The following ZFHX3 variants were observed in gnomAD, a reference collection of about 807,000 sequenced individuals.
ZFHX3 encodes zinc finger homeobox protein 3.
Under a neutral mutation model 279.1 loss-of-function variants are expected in ZFHX3, and 42 were observed. The ratio of observed to expected loss-of-function variants is 0.15; its 90% CI spans 0.12 to 0.19. ZFHX3 has a LOEUF of 0.19. Ranked by LOEUF, ZFHX3 falls within the 10% of genes least tolerant of loss-of-function variation. The probability of loss-of-function intolerance (pLI) is 1.00; values close to 1 mark genes in which losing one functional copy is unlikely to be tolerated. For missense variants in ZFHX3, 4,981 were observed against 4,754.0 expected (o/e 1.05, Z -1.40); for synonymous variants, 2,293 against 1,957.8 (o/e 1.17, Z -4.52).
At position 73,792,069 on chromosome 16, in the gene ZFHX3, C is replaced by G. The variant is rs16972570; in HGVS notation, c.-1608+99582G>C. 4.9e-3 allele frequency among the ~76,000 whole-genome samples: 744 copies of G among 152,312 alleles called. 3 individuals are homozygous for G. Among genetic ancestry groups the G allele is most frequent in the African/African-American group, 0.017 (714 of 41,568 alleles). On this transcript the variant is annotated intron_variant, in intron 1 of 17. Transcript: ENST00000641206. ...CCTAATTCTACCATCCAGGTGTGTT[C>G]TGACCTGTGCTGGCCAACTAGCCAT...
At chr16:73,553,938 G>A (rs1416544151) in intron 2 of ZFHX3, among the ~76,000 whole-genome samples, 1 of 152,216 alleles carries the variant, frequency 6.6e-6, no homozygotes, top group Non-Finnish European at 1.5e-5. Flanking sequence ...TAGGGCAGAT[G>A]ATCAGAAAAA....
intron 3 of ZFHX3, among the ~76,000 whole-genome samples, chr16:73,422,104 C>T (rs890649677): frequency 6.6e-6 from 1 of 152,164 alleles, no homozygotes; most frequent in South Asian, 2.1e-4. Context: ...CTACCTATTT[C>T]TACTTTAAAT....
chr16:73,394,802 T>C (rs1482796531), intron 3 of ZFHX3, among the ~76,000 whole-genome samples: 1 of 152,204 alleles, frequency 6.6e-6, no homozygotes, highest in Non-Finnish European at 1.5e-5. Context: ...TGTACTTCTA[T>C]GTGCCAGACA....
rs535544342 is a variant in ZFHX3, at chr16:72,921,352, G to A, written c.3216+29117C>T. Among the ~76,000 whole-genome samples, 10 of 152,270 alleles carry A rather than the reference G, an allele frequency of 6.6e-5. No individual in the cohort carries two copies. The South Asian group carries it at 1.5e-3, about 22-fold the overall frequency. ...TTACTTCCTTCCTAGACCCCATGGC[G>A]AAAAATGCTTGCGGCTTTCCTGTTC... On this transcript the variant is annotated intron_variant, in intron 3 of 9. Transcript: ENST00000268489.
chr16:73,552,826 C>T (rs920095055), intron 2 of ZFHX3, among the ~76,000 whole-genome samples: 1 of 152,166 alleles, frequency 6.6e-6, no homozygotes, highest in African/African-American at 2.4e-5. Context: ...ACTGATACGT[C>T]TGCCTGTAAA....
chr16:72,893,924 C>T (rs1334041365), intron 3 of ZFHX3, among the ~76,000 whole-genome samples: 16 of 152,190 alleles, frequency 1.1e-4, no homozygotes, highest in East Asian at 1.9e-4. Context: ...CTGAGGTGGG[C>T]ACATCACCTG....
At chr16:73,655,254 A>AT (rs989234627) in intron 2 of ZFHX3, among the ~76,000 whole-genome samples, 3 of 152,202 alleles carry the variant, frequency 2.0e-5, no homozygotes, top group African/African-American at 7.2e-5. Context: ...AAGGATATTC[A>AT]TTTTCACTTC....
intron 1 of ZFHX3, among the ~76,000 whole-genome samples, chr16:73,745,428 C>T (rs1357119576): frequency 6.6e-6 from 1 of 152,180 alleles, no homozygotes; most frequent in African/African-American, 2.4e-5. Flanking sequence ...AGGGCATAGA[C>T]TCCTGGGTCA....
intron 4 of ZFHX3, among the ~76,000 whole-genome samples, chr16:73,261,199 T>G (rs544306422): frequency 7.9e-4 from 121 of 152,328 alleles, no homozygotes; most frequent in African/African-American, 2.8e-3. Flanking sequence ...CCATAAAAGA[T>G]TAATAAATTG....
intron 2 of ZFHX3, among the ~76,000 whole-genome samples, chr16:73,525,135 C>T (rs1050064482): frequency 6.6e-6 from 1 of 152,156 alleles, no homozygotes; most frequent in Non-Finnish European, 1.5e-5. Context: ...CATTACAAGT[C>T]AAGCTTCGGT....
intron 1 of ZFHX3, among the ~76,000 whole-genome samples, chr16:73,735,705 A>G (rs187789699): frequency 6.7e-4 from 102 of 152,298 alleles, no homozygotes; most frequent in Non-Finnish European, 1.2e-3. Context: ...TGTTTCTGTT[A>G]CATGCATGCC....
intron 3 of ZFHX3, among the ~76,000 whole-genome samples, chr16:73,350,453 C>T (rs1178396772): frequency 6.6e-6 from 1 of 152,082 alleles, no homozygotes; most frequent in Non-Finnish European, 1.5e-5. Flanking sequence ...ATTAAAAGAC[C>T]CATAATTCCG....
chr16:73,841,688 C>T (rs1961313368), intron 1 of ZFHX3, among the ~76,000 whole-genome samples: 1 of 152,022 alleles, frequency 6.6e-6, no homozygotes, highest in South Asian at 2.1e-4. Flanking sequence ...AGCAGAGGCA[C>T]GGGAAGAAAT....
chr16:73,467,870 C>A (rs577131707), intron 2 of ZFHX3, among the ~76,000 whole-genome samples: 2 of 152,146 alleles, frequency 1.3e-5, no homozygotes, highest in African/African-American at 4.8e-5. Flanking sequence ...GTCTGTCTAC[C>A]TTTCTGGGGC....
At chr16:73,362,921 C>T (rs1361216567) in intron 3 of ZFHX3, among the ~76,000 whole-genome samples, 1 of 152,220 alleles carries the variant, frequency 6.6e-6, no homozygotes. Context: ...CTAAAGTAAC[C>T]TATAGGACCT....
chr16:73,747,051 G>T (rs1228406518), intron 1 of ZFHX3, among the ~76,000 whole-genome samples: 2 of 152,178 alleles, frequency 1.3e-5, no homozygotes, highest in Admixed American at 6.5e-5. Flanking sequence ...TGTCCAAGTA[G>T]ATCTGCTCTG....
At chr16:72,952,572 A>T (rs1197892040) in intron 2 of ZFHX3, among the ~76,000 whole-genome samples, 8 of 152,202 alleles carry the variant, frequency 5.3e-5, no homozygotes, top group Admixed American at 2.0e-4. Context: ...TTGCTGTGCC[A>T]GACAAGAGTG....
At chr16:73,730,122 C>T in intron 1 of ZFHX3, among the ~76,000 whole-genome samples, 1 of 151,956 alleles carries the variant, frequency 6.6e-6, no homozygotes, top group Admixed American at 6.6e-5. Flanking sequence ...GAGAAGACTA[C>T]CATAGAACAG....
At chr16:72,987,411 G>T (rs964831750) in intron 1 of ZFHX3, among the ~76,000 whole-genome samples, 2 of 152,172 alleles carry the variant, frequency 1.3e-5, no homozygotes, top group Admixed American at 1.3e-4. Flanking sequence ...TCAAAGCATG[G>T]AGAAATCATT....
Sources: allele counts gnomAD v4.1 joint callset (sites outside exome capture counted in the v4.1 genomes callset), GRCh38; gene constraint gnomAD v4.1.1; transcripts MANE v1.5; gene names NCBI Gene and HGNC (gene_info 2026-07-23, HGNC 2026-07-21).